Variants in NELL1 observed in about 807,000 individuals in gnomAD.
The protein encoded by NELL1 is protein kinase C-binding protein NELL1.
NELL1 carries 76 observed loss-of-function variants against 107.4 expected under a neutral mutation model. That is an observed-to-expected ratio of 0.71 (90% CI 0.59 to 0.86). The LOEUF (loss-of-function observed/expected upper bound fraction) is 0.86. Among genes scored for constraint, NELL1 ranks in the 40% least tolerant of loss-of-function variants. The pLI is 0.00. For synonymous variants in NELL1, 353 were observed against 341.2 expected (o/e 1.03, Z -0.38); for missense variants, 1,024 against 1,005.5 (o/e 1.02, Z -0.25).
chr11:20,833,283 G>A (rs969055525), intron 3 of NELL1, among the ~76,000 whole-genome samples: 1 of 148,416 alleles, frequency 6.7e-6, no homozygotes, highest in Non-Finnish European at 1.5e-5. Flanking sequence ...CTTGATAAAT[G>A]TTAGCCATTA....
chr11:21,453,683 AT>A (rs1386341052), intron 15 of NELL1, among the ~76,000 whole-genome samples: 3 of 151,280 alleles, frequency 2.0e-5, no homozygotes, highest in Admixed American at 6.6e-5. Flanking sequence ...CTTAAATTTT[AT>A]TTACACCATC....
chr11:21,472,597 T>C (rs1280429715), intron 15 of NELL1, among the ~76,000 whole-genome samples: 2 of 152,008 alleles, frequency 1.3e-5, no homozygotes, highest in African/African-American at 2.4e-5. Context: ...GAAGGATTAG[T>C]CTAATATTTG....
chr11:20,767,714 T>G lies in NELL1; in HGVS notation c.185-15966T>G, dbSNP rs1411159664. Reference sequence around the variant, plus strand: ...TACAGTGAAGAGGGAACCAGCAATATATCATATTCATTCATTCATTCATTC... The same window carrying G: ...TACAGTGAAGAGGGAACCAGCAATAGATCATATTCATTCATTCATTCATTC... On this transcript the variant is annotated intron_variant, in intron 2 of 19. Coordinates refer to ENST00000357134, the MANE Select transcript of NELL1 (RefSeq NM_006157.5). 6.2e-5 allele frequency among the ~76,000 whole-genome samples: 9 copies of G among 146,062 alleles called. 1 individual carries two copies. The South Asian group carries it at 8.8e-4, about 14-fold the overall frequency.
chr11:20,747,532 T>A (rs1856031815), intron 2 of NELL1, among the ~76,000 whole-genome samples: 1 of 152,220 alleles, frequency 6.6e-6, no homozygotes, highest in Non-Finnish European at 1.5e-5. Context: ...TCTTCAGTTA[T>A]GGAGGCTAAG....
At chr11:21,422,946 G>C in intron 15 of NELL1, among the ~76,000 whole-genome samples, 1 of 152,046 alleles carries the variant, frequency 6.6e-6, no homozygotes, top group East Asian at 1.9e-4. Flanking sequence ...GTCTACAAGA[G>C]ACTCATTATA....
chr11:21,397,587 G>A (rs986124486), intron 15 of NELL1, among the ~76,000 whole-genome samples: 4 of 151,480 alleles, frequency 2.6e-5, no homozygotes, highest in African/African-American at 9.7e-5. Flanking sequence ...TCACAAACAT[G>A]TATCTATATT....
intron 9 of NELL1, among the ~76,000 whole-genome samples, chr11:20,930,967 T>C (rs990200206): frequency 2.0e-5 from 3 of 152,142 alleles, no homozygotes; most frequent in Non-Finnish European, 2.9e-5. Context: ...TAAAAAGAAA[T>C]GATACAAGGC....
chr11:20,720,629 G>A (rs1855359089), intron 2 of NELL1, among the ~76,000 whole-genome samples: 1 of 152,130 alleles, frequency 6.6e-6, no homozygotes, highest in African/African-American at 2.4e-5. Context: ...CCAAAATCAA[G>A]GTATTGGTGG....
At chr11:21,124,866 G>T (rs576336753) in intron 13 of NELL1, among the ~76,000 whole-genome samples, 1 of 152,232 alleles carries the variant, frequency 6.6e-6, no homozygotes, top group East Asian at 1.9e-4. Flanking sequence ...CTCCCAAAGT[G>T]CTGGGATTAC....
intron 2 of NELL1, among the ~76,000 whole-genome samples, chr11:20,772,513 A>T (rs1346110915): frequency 6.6e-6 from 1 of 152,224 alleles, no homozygotes; most frequent in African/African-American, 2.4e-5. Flanking sequence ...GAATATGCTT[A>T]GAAAATGTTA....
intron 5 of NELL1, among the ~76,000 whole-genome samples, chr11:20,893,126 G>C (rs879849619): frequency 3.9e-5 from 6 of 152,046 alleles, no homozygotes; most frequent in Non-Finnish European, 7.4e-5. Context: ...GGTGAAGCTG[G>C]AAGCCATCAT....
intron 14 of NELL1, among the ~76,000 whole-genome samples, chr11:21,281,562 G>C (rs141868287): frequency 7.9e-5 from 12 of 151,702 alleles, no homozygotes; most frequent in East Asian, 1.9e-4. Context: ...GTGAACTTAG[G>C]GGGTAGCCAG....
At chr11:20,998,768 T>A (rs1319855464) in intron 12 of NELL1, among the ~76,000 whole-genome samples, 4 of 152,204 alleles carry the variant, frequency 2.6e-5, no homozygotes, top group Admixed American at 2.0e-4. Flanking sequence ...GCTGCCTGTG[T>A]ATGCTTCTGT....
chr11:21,001,332 G>A (rs901617969), intron 12 of NELL1, among the ~76,000 whole-genome samples: 2 of 152,156 alleles, frequency 1.3e-5, no homozygotes, highest in African/African-American at 4.8e-5. Context: ...GGGGAGAGGT[G>A]GATTCTGTCT....
At chr11:21,479,331 A>T (rs558687329) in intron 15 of NELL1, among the ~76,000 whole-genome samples, 1 of 152,062 alleles carries the variant, frequency 6.6e-6, no homozygotes, top group Non-Finnish European at 1.5e-5. Context: ...TGTGGTACCT[A>T]TATATACTGA....
At chr11:21,501,750 T>A (rs779465608) in intron 15 of NELL1, among the ~76,000 whole-genome samples, 3 of 152,226 alleles carry the variant, frequency 2.0e-5, no homozygotes, top group Non-Finnish European at 4.4e-5. Context: ...CATTCACTAT[T>A]CACAGGAGTG....
intron 14 of NELL1, among the ~76,000 whole-genome samples, chr11:21,294,154 A>C (rs979750293): frequency 6.6e-6 from 1 of 152,140 alleles, no homozygotes; most frequent in Admixed American, 6.5e-5. Flanking sequence ...GGCATTGCTT[A>C]ATCAGAGGCA....
chr11:20,983,420 A>C (rs1851788465), intron 12 of NELL1, among the ~76,000 whole-genome samples: 1 of 151,048 alleles, frequency 6.6e-6, no homozygotes. Context: ...TACACCCCCC[A>C]GCTCAGACCA....
chr11:21,565,448 G>A (rs1228377199), intron 17 of NELL1, among the ~76,000 whole-genome samples: 1 of 151,806 alleles, frequency 6.6e-6, no homozygotes, highest in East Asian at 2.0e-4. Context: ...CACCTGCAGG[G>A]CTTGTGAAAC....
Sources: allele counts gnomAD v4.1 joint callset (sites outside exome capture counted in the v4.1 genomes callset), GRCh38; gene constraint gnomAD v4.1.1; transcripts MANE v1.5; gene names NCBI Gene and HGNC (gene_info 2026-07-23, HGNC 2026-07-21).